The following RAD23A variants were observed in gnomAD, a reference collection of about 807,000 sequenced individuals.
RAD23A encodes RAD23 nucleotide excision repair protein A, also known as lysine-specific demethylase RAD23A.
In RAD23A, 16 loss-of-function variants were observed where a neutral mutation model predicts 44.8. That is an observed-to-expected ratio of 0.36 (90% CI 0.24 to 0.54). RAD23A has a LOEUF of 0.54. Ranked by LOEUF, RAD23A falls within the 20% of genes least tolerant of loss-of-function variation. The pLI, the probability that RAD23A is intolerant of heterozygous loss-of-function variation, is 0.89. For synonymous variants in RAD23A, 217 were observed against 202.9 expected (o/e 1.07, Z -0.59); for missense variants, 380 against 483.3 (o/e 0.79, Z 2.00).
chr19:12,949,500 T>A, intron 7 of RAD23A, 92 bp downstream of exon 7: 1 of 1,531,282 alleles, frequency 6.5e-7, no homozygotes, highest in Non-Finnish European at 8.9e-7. Flanking sequence ...TCGTTCTAGG[T>A]CCGGAAAGCA....
intron 7 of RAD23A, among the ~76,000 whole-genome samples, chr19:12,950,539 C>G (rs988298683): frequency 5.3e-5 from 8 of 152,016 alleles, no homozygotes; most frequent in African/African-American, 1.7e-4. Flanking sequence ...GTAGCTGGGA[C>G]TACAGGCGCC....
At chr19:12,949,999 T>C (rs1971764981) in intron 7 of RAD23A, among the ~76,000 whole-genome samples, 1 of 151,984 alleles carries the variant, frequency 6.6e-6, no homozygotes, top group Non-Finnish European at 1.5e-5. Flanking sequence ...TGCCAGCTCC[T>C]CCTGGTCGGT....
chr19:12,946,059 G>GGT, intron 1 of RAD23A, 39 bp downstream of exon 1: 1 of 213,198 alleles, frequency 4.7e-6, no homozygotes, highest in Non-Finnish European at 8.4e-6. Context: ...GGAGCGACGG[G>GGT]TTTCGGGGGT....
chr19:12,946,084 G>GCC, intron 1 of RAD23A, 64 bp downstream of exon 1: 3 of 512,114 alleles, frequency 5.9e-6, no homozygotes, highest in Non-Finnish European at 1.1e-5. Context: ...TGGGGGCGGG[G>GCC]AGGCTAGAAT....
rs199799122 is a variant in RAD23A, at chr19:12,949,137, G to A, written c.657G>A (p.Ser219=). The part of the protein sequence containing the change: ...EHGSVQESQV[S]EQPATEAAGE... ...GTTCTGTCCAGGAGAGCCAGGTATC[G>A]GAGCAGCCGGCCACGGAAGCAGGTG... Residue 219 remains serine (S), a synonymous_variant, in exon 6 of 9, where the codon TCG becomes TCA. Coordinates refer to ENST00000586534, the MANE Select transcript of RAD23A (RefSeq NM_005053.4). 7 of 1,613,966 alleles carry A rather than the reference G, an allele frequency of 4.3e-6. No homozygotes were observed. The highest frequency in any genetic ancestry group is 2.2e-5 in the East Asian group (1 of 44,874).
chr19:12,952,830 CA>C lies in RAD23A; in HGVS notation c.956del (p.Gln319ArgfsTer6). The C allele has an allele frequency of 6.2e-7, 1 of 1,606,430 alleles. No homozygotes were observed. The highest frequency in any genetic ancestry group is 8.5e-7 in the Non-Finnish European group (1 of 1,175,912). On this transcript the variant is annotated frameshift_variant, in exon 8 of 9. Transcript: ENST00000586534. LOFTEE classifies it high-confidence loss of function. ...GATGAACTACATCCAGGTGACGCCG[CA>C]GGAGAAAGAAGCTATAGAGAGGGTA... ...PQMNYIQVTP[Q>X]EKEAIERLKA...
At chr19:12,949,193 T>A in intron 6 of RAD23A, 34 bp downstream of exon 6, 1 of 1,614,096 alleles carries the variant, frequency 6.2e-7, no homozygotes, top group Non-Finnish European at 8.5e-7. Flanking sequence ...GCCCTCCAGG[T>A]ACCTGACTCA....
Position 12,948,909 on chromosome 19 carries a change from A to G in RAD23A, c.600+96A>G, listed in dbSNP as rs1046233777. On this transcript the variant is annotated intron_variant, in intron 5 of 8. Transcript: ENST00000586534. The surrounding 1 kb of genome is among the most constrained non-coding windows in gnomAD (Gnocchi z 5.5). ...TTGGGAAGGCAAAACCTGCCCTGAA[A>G]AGCCTTTGGGTAGTGATTCTAGCCA... 1.3e-6 allele frequency: 2 copies of G among 1,547,422 alleles called. No homozygotes were observed. Among genetic ancestry groups the G allele is most frequent in the East Asian group, 2.3e-5 (1 of 44,338 alleles).
rs944859052 is a variant in RAD23A, at chr19:12,946,031, G to A, written c.72+11G>A. 1.3e-6 allele frequency: 2 copies of A among 1,593,276 alleles called. No homozygotes were observed. Among genetic ancestry groups the A allele is most frequent in the African/African-American group, 1.4e-5 (1 of 72,384 alleles). On this transcript the variant is annotated intron_variant, in intron 1 of 8. Coordinates refer to ENST00000586534, the MANE Select transcript of RAD23A (RefSeq NM_005053.4). ...GAGCCTGACGAGACGGTGCGGGCCG[G>A]GCCGGAGCCCGGGGGCGGGAGCGAC...
intron 1 of RAD23A, among the ~76,000 whole-genome samples, chr19:12,947,579 CT>C (rs1018349614): frequency 6.6e-6 from 1 of 152,196 alleles, no homozygotes; most frequent in African/African-American, 2.4e-5. Context: ...AGAGCAGGGA[CT>C]TACTTGTGTT....
In RAD23A at chr19:12,953,149, G is replaced by A; in HGVS notation, c.*100G>A. 1 of 813,568 alleles carries A rather than the reference G, an allele frequency of 1.2e-6. No homozygotes were observed. Among genetic ancestry groups the A allele is most frequent in the South Asian group, 2.4e-5 (1 of 42,136 alleles). 50.4% of individuals were successfully genotyped at this position (813,568 alleles called of 1,614,324 possible). ...ATATATTCATGTTTATTTAAGAAATGGAAAAAAAAATCAAAAATCTTAAAA... is the reference window on the plus strand; with the variant it reads ...ATATATTCATGTTTATTTAAGAAATAGAAAAAAAAATCAAAAATCTTAAAA... On this transcript the variant is annotated 3_prime_UTR_variant, in exon 9 of 9. Transcript: ENST00000586534.
Position 12,949,270 on chromosome 19 carries a change from AC to A in RAD23A, c.680-3del, listed in dbSNP as rs746900187. ...GTGTCTGACTGCACCCCTTCCTACT[AC>A]CAGCAGGAGAGAACCCCCTGGAGTT... On this transcript the variant is annotated splice_polypyrimidine_tract_variant and splice_region_variant and intron_variant, in intron 6 of 8. Transcript: ENST00000586534. 8.1e-6 allele frequency: 13 copies of A among 1,613,946 alleles called. No individual in the cohort carries two copies. Among genetic ancestry groups the A allele is most frequent in the Admixed American group, 1.7e-5 (1 of 60,016 alleles).
intron 7 of RAD23A, among the ~76,000 whole-genome samples, chr19:12,951,480 CTT>C (rs1196409024): frequency 2.6e-5 from 4 of 151,678 alleles, no homozygotes; most frequent in East Asian, 1.9e-4. Flanking sequence ...GAGTTTCGCT[CTT>C]GTTGCCCAGG....
chr19:12,950,439 C>A (rs1479586785), intron 7 of RAD23A, among the ~76,000 whole-genome samples: 1 of 151,998 alleles, frequency 6.6e-6, no homozygotes, highest in African/African-American at 2.4e-5. Context: ...AAATCTCGCT[C>A]TGTCGCCCAG....
Position 12,945,910 on chromosome 19 carries a change from G to A in RAD23A, c.-39G>A. 6.2e-7 allele frequency: 1 copy of A among 1,601,766 alleles called. No individual in the cohort carries two copies. Among genetic ancestry groups the A allele is most frequent in the African/African-American group, 1.4e-5 (1 of 73,874 alleles). The stretch of plus-strand genomic sequence containing the variant: ...GGCGGCGGCGTGAGTTGCATGTTGT[G>A]TGAGGATCCCGGGGCCGCCGCGTCG... On this transcript the variant is annotated 5_prime_UTR_variant, in exon 1 of 9. It adds an upstream start codon to the 5' untranslated region. Transcript: ENST00000586534.
chr19:12,950,527 G>A lies in RAD23A; in HGVS notation c.813+1119G>A, dbSNP rs528109145. Among the ~76,000 whole-genome samples, 268 of 151,856 alleles carry A rather than the reference G, an allele frequency of 1.8e-3. 1 individual carries two copies. Among genetic ancestry groups the A allele is most frequent in the African/African-American group, 6.3e-3 (259 of 41,382 alleles). On this transcript the variant is annotated intron_variant, in intron 7 of 8. Transcript: ENST00000586534. ...TCAAGCGATTCTTTTGCCCCCGCCC[G>A]AGTAGCTGGGACTACAGGCGCCCGC... is the stretch of plus-strand genomic sequence containing the variant.
In RAD23A at chr19:12,950,010, C is replaced by T. The variant is rs1428828558; in HGVS notation, c.813+602C>T. 3.3e-5 allele frequency among the ~76,000 whole-genome samples: 5 copies of T among 152,096 alleles called. No homozygotes were observed. The East Asian group carries it at 7.7e-4, about 23-fold the overall frequency. On this transcript the variant is annotated intron_variant, in intron 7 of 8. Coordinates refer to ENST00000586534, the MANE Select transcript of RAD23A (RefSeq NM_005053.4). ...CCCTTGCCAGCTCCTCCTGGTCGGT[C>T]GTGTTCTTCATCTGCACTCAGCCCT...
intron 1 of RAD23A, 22 bp downstream of exon 1, chr19:12,946,042 G>C: frequency 1.3e-6 from 2 of 1,580,280 alleles, no homozygotes; most frequent in South Asian, 1.1e-5. Context: ...GCCGGAGCCC[G>C]GGGGCGGGAG....
At chr19:12,949,687 G>A (rs1029576760) in intron 7 of RAD23A, 63 of 506,360 alleles carry the variant, frequency 1.2e-4, no homozygotes, top group Admixed American at 6.3e-4. Context: ...GCAGCTGGTA[G>A]TGTGTGTGTC....
Sources: gnomAD v4.1 joint callset for allele counts (sites outside exome capture counted in the v4.1 genomes callset) on GRCh38, gnomAD v4.1.1 for gene constraint, Gnocchi (gnomAD v3.1) non-coding constraint, MANE v1.5 for transcripts, NCBI Gene and HGNC (gene_info 2026-07-23, HGNC 2026-07-21) for gene names.